The following ZNF584 variants were observed in gnomAD, a reference collection of about 807,000 sequenced individuals.
ZNF584 encodes the protein zinc finger protein 584.
A neutral mutation model predicts 14.7 loss-of-function variants in ZNF584; 12 were observed. The ratio of observed to expected loss-of-function variants is 0.82; its 90% confidence interval spans 0.52 to 1.32. The LOEUF (loss-of-function observed/expected upper bound fraction) is 1.32. ZNF584 is among the 40% of genes most tolerant of loss of function. The pLI, the probability that ZNF584 is intolerant of heterozygous loss-of-function variation, is 0.00. For synonymous variants in ZNF584, 204 were observed against 190.9 expected (o/e 1.07, Z -0.57); for missense variants, 478 against 518.8 (o/e 0.92, Z 0.76).
chr19:58,402,322 G>T (rs530415584), intron 1 of ZNF584, among the ~76,000 whole-genome samples: 1 of 152,098 alleles, frequency 6.6e-6, no homozygotes, highest in Non-Finnish European at 1.5e-5. Context: ...GAGGGTGGTG[G>T]GAGAAGAAGT....
chr19:58,416,099 AC>A, intron 3 of ZNF584: 1 of 750,804 alleles, frequency 1.3e-6, no homozygotes, highest in Non-Finnish European at 2.1e-6. Flanking sequence ...TGACTTGGAG[AC>A]CCCACCTCTC....
chr19:58,410,990 C>T (rs528448681), intron 2 of ZNF584, among the ~76,000 whole-genome samples: 1 of 150,844 alleles, frequency 6.6e-6, no homozygotes, highest in South Asian at 2.1e-4. Context: ...CAGGGTTTCA[C>T]TTTGTTGGCC....
Position 58,417,840 on chromosome 19 carries a change from G to C in ZNF584, c.*56G>C. ...AGAAAGGAGGTTAAGGAGAGTGGCCGTGAGAGTGCCATCCGAAAGAAGCTA... is the reference window on the plus strand; with the variant it reads ...AGAAAGGAGGTTAAGGAGAGTGGCCCTGAGAGTGCCATCCGAAAGAAGCTA... On this transcript the variant is annotated 3_prime_UTR_variant, in exon 4 of 4. Coordinates refer to ENST00000306910, the MANE Select transcript of ZNF584 (RefSeq NM_173548.3). 6.5e-7 allele frequency: 1 copy of C among 1,533,796 alleles called. No individual in the cohort carries two copies. Among genetic ancestry groups the C allele is most frequent in the South Asian group, 1.3e-5 (1 of 77,296 alleles).
At chr19:58,404,079 T>C (rs1385790309), upstream of ZNF584, among the ~76,000 whole-genome samples, 1 of 152,132 alleles carries the variant, frequency 6.6e-6, no homozygotes, top group Non-Finnish European at 1.5e-5. Context: ...AACTTTGGTC[T>C]GAGACTTCCT....
At chr19:58,402,213 C>T (rs1439293366) in intron 1 of ZNF584, among the ~76,000 whole-genome samples, 1 of 152,154 alleles carries the variant, frequency 6.6e-6, no homozygotes, top group East Asian at 1.9e-4. Context: ...GGCTAGAGTT[C>T]GCACTGGCTC....
chr19:58,407,732 G>C (rs934031840), upstream of ZNF584, among the ~76,000 whole-genome samples: 1 of 152,152 alleles, frequency 6.6e-6, no homozygotes, highest in Non-Finnish European at 1.5e-5. Flanking sequence ...AACTCCGTTC[G>C]TCCGGGAGGA....
Position 58,417,371 on chromosome 19 carries a change from C to T in ZNF584, c.853C>T (p.Leu285Phe). ...CGKTFSVLST[L>F]IRHRKVHIGE... ...TAAAACCTTCAGTGTTCTGTCTACC[C>T]TCATTCGGCACCGGAAAGTGCACAT... Residue 285 changes from leucine to phenylalanine, a missense_variant, in exon 4 of 4, where the codon CTC (leucine) becomes TTC (phenylalanine). Leu to Phe is a conservative substitution (Grantham distance 22). Coordinates refer to ENST00000306910, the MANE Select transcript of ZNF584 (RefSeq NM_173548.3). The T allele has an allele frequency of 6.2e-7, 1 of 1,614,084 alleles. No individual in the cohort carries two copies. The highest frequency in any genetic ancestry group is 8.5e-7 in the Non-Finnish European group (1 of 1,179,932).
chr19:58,411,132 T>C (rs2052565077), intron 2 of ZNF584, among the ~76,000 whole-genome samples: 2 of 152,062 alleles, frequency 1.3e-5, no homozygotes, highest in Non-Finnish European at 2.9e-5. Flanking sequence ...AAGTACTTTA[T>C]TCTTCACTGT....
At chr19:58,413,608 G>T (rs1344521595) in intron 2 of ZNF584, among the ~76,000 whole-genome samples, 1 of 150,884 alleles carries the variant, frequency 6.6e-6, no homozygotes, top group Non-Finnish European at 1.5e-5. Context: ...CCAAGTTCAA[G>T]CGATTCTCCT....
chr19:58,410,704 T>C (rs1389984906), intron 2 of ZNF584, among the ~76,000 whole-genome samples: 2 of 56,380 alleles, frequency 3.5e-5, no homozygotes, highest in African/African-American at 1.5e-4. Flanking sequence ...TATATATATA[T>C]GTATATATGT....
At chr19:58,401,885 C>CAAAAAAAAAAAAA (rs781429177) in intron 1 of ZNF584, among the ~76,000 whole-genome samples, 3 of 67,040 alleles carry the variant, frequency 4.5e-5, no homozygotes, top group Admixed American at 2.3e-4. Flanking sequence ...TGAGACTCCT[C>CAAAAAAAAAAAAA]AAAAAAAAAA....
chr19:58,410,539 A>G (rs1269009928), intron 2 of ZNF584, among the ~76,000 whole-genome samples: 7 of 38,706 alleles, frequency 1.8e-4, no homozygotes, highest in African/African-American at 7.6e-4. Flanking sequence ...ATATATATAT[A>G]TATATATATA....
intron 1 of ZNF584, among the ~76,000 whole-genome samples, chr19:58,403,528 G>T (rs1190158570): frequency 6.7e-6 from 1 of 149,514 alleles, no homozygotes; most frequent in African/African-American, 2.4e-5. Flanking sequence ...AGGGAGGGAG[G>T]GAGGGAGGAA....
chr19:58,411,303 G>T (rs960297675), intron 2 of ZNF584, among the ~76,000 whole-genome samples: 1 of 151,410 alleles, frequency 6.6e-6, no homozygotes, highest in Non-Finnish European at 1.5e-5. Flanking sequence ...GAGGCAGGTG[G>T]ATTACCTGAG....
chr19:58,409,241 G>T, intron 1 of ZNF584, 76 bp downstream of exon 1: 1 of 1,352,768 alleles, frequency 7.4e-7, no homozygotes. Context: ...AGAGTTGGAG[G>T]AGGGCAGGAG....
In ZNF584 at chr19:58,417,085, C is replaced by T. The variant is rs2052652685; in HGVS notation, c.567C>T (p.Cys189=). 3.1e-6 allele frequency: 5 copies of T among 1,613,854 alleles called. No individual in the cohort carries two copies. Among genetic ancestry groups the T allele is most frequent in the East Asian group, 2.2e-5 (1 of 44,876 alleles). The change falls in exon 4 of 4, where the codon TGC becomes TGT. Residue 189 remains cysteine (C), a synonymous_variant. Coordinates refer to ENST00000306910, the MANE Select transcript of ZNF584 (RefSeq NM_173548.3). ...ITHSEERPFR[C]PTGRSAFKKS... is the part of the protein sequence containing the mutation. ...ATTCTGAAGAGAGACCCTTCAGATG[C>T]CCAACAGGCAGAAGTGCTTTCAAGA... is the stretch of plus-strand genomic sequence containing the variant.
chr19:58,415,103 C>T (rs917481856), intron 2 of ZNF584, among the ~76,000 whole-genome samples: 3 of 151,984 alleles, frequency 2.0e-5, no homozygotes, highest in Admixed American at 1.3e-4. Flanking sequence ...CCGTGTTAGC[C>T]AGGATAGTCT....
chr19:58,415,921 G>A, intron 3 of ZNF584: 11 of 1,598,838 alleles, frequency 6.9e-6, no homozygotes, highest in Non-Finnish European at 9.3e-6. Context: ...GTCTTGAAAT[G>A]TGCACATATC....
chr19:58,403,600 T>C (rs1178369672), intron 1 of ZNF584, among the ~76,000 whole-genome samples: 1 of 152,146 alleles, frequency 6.6e-6, no homozygotes, highest in Non-Finnish European at 1.5e-5. Flanking sequence ...ATTGTAATGG[T>C]GGATACATGA....
Sources: gnomAD v4.1 joint callset for allele counts (sites outside exome capture counted in the v4.1 genomes callset) on GRCh38, gnomAD v4.1.1 for gene constraint, MANE v1.5 for transcripts, NCBI Gene and HGNC (gene_info 2026-07-23, HGNC 2026-07-21) for gene names.